Variants in COMMD6 observed in about 807,000 individuals in gnomAD.
The protein encoded by COMMD6 is COMM domain-containing protein 6.
A neutral mutation model predicts 13.4 loss-of-function variants in COMMD6; 11 were observed. That is an observed-to-expected ratio of 0.82 (90% CI 0.52 to 1.36). The LOEUF is 1.36. Ranked by LOEUF, COMMD6 falls within the 40% of genes most tolerant of loss-of-function variation. The probability of loss-of-function intolerance (pLI) is 0.00; values close to 1 mark genes in which losing one functional copy is unlikely to be tolerated. For missense variants in COMMD6, 124 were observed against 102.4 expected (o/e 1.21, Z -0.91); for synonymous variants, 43 against 36.5 (o/e 1.18, Z -0.64).
chr13:75,529,520 CAAAAAAAAAAAAA>C (rs58073558), intron 3 of COMMD6, among the ~76,000 whole-genome samples: 2 of 104,642 alleles, frequency 1.9e-5, no homozygotes, highest in African/African-American at 3.7e-5. Context: ...GACTCCGTCT[CAAAAAAAAAAAAA>C]AAAAAAAAAA....
chr13:75,538,995 C>G, upstream of COMMD6, among the ~76,000 whole-genome samples: 1 of 152,132 alleles, frequency 6.6e-6, no homozygotes, highest in Non-Finnish European at 1.5e-5. Flanking sequence ...TGGGGACTCC[C>G]AGCTCCTAGA....
chr13:75,532,989 G>A (rs1201166662), intron 2 of COMMD6, among the ~76,000 whole-genome samples: 3 of 148,470 alleles, frequency 2.0e-5, no homozygotes, highest in South Asian at 2.1e-4. Context: ...GGAGTGCAGT[G>A]GCACGATCTT....
chr13:75,534,775 C>T (rs2030604744), intron 2 of COMMD6, among the ~76,000 whole-genome samples: 1 of 152,078 alleles, frequency 6.6e-6, no homozygotes, highest in Non-Finnish European at 1.5e-5. Flanking sequence ...TGTAGTCACA[C>T]TAAAAATTGA....
intron 1 of COMMD6, among the ~76,000 whole-genome samples, chr13:75,544,717 C>T (rs1193114763): frequency 1.3e-5 from 2 of 151,810 alleles, no homozygotes; most frequent in Admixed American, 6.6e-5. Flanking sequence ...GAGCAGAGAT[C>T]GCGCTACTGC....
upstream of COMMD6, chr13:75,537,913 A>G: frequency 8.4e-7 from 1 of 1,185,192 alleles, no homozygotes. Context: ...CGGACGTAGC[A>G]GGGGAAGCTG....
intron 1 of COMMD6, among the ~76,000 whole-genome samples, chr13:75,548,891 C>G (rs554598982): frequency 1.3e-5 from 2 of 152,200 alleles, no homozygotes; most frequent in Non-Finnish European, 2.9e-5. Flanking sequence ...ACCGGGTTGC[C>G]TCTGTTTACC....
intron 1 of COMMD6, among the ~76,000 whole-genome samples, chr13:75,543,826 C>A (rs1014857099): frequency 3.9e-5 from 6 of 152,174 alleles, no homozygotes; most frequent in Non-Finnish European, 8.8e-5. Context: ...ATATTCAATA[C>A]TCCAAAGAAG....
rs1455269208 is a variant in COMMD6 at position 75,525,598 on chromosome 13, T to A, written c.*991A>T. On this transcript the variant is annotated 3_prime_UTR_variant, in exon 4 of 4. Coordinates refer to ENST00000682242, the MANE Select transcript of COMMD6 (RefSeq NM_203495.4). ...ATGCACAAATGGCCCATCAGCTAAC[T>A]CATCAAGCTGGTAGGAATCTGAGCG... 6.6e-6 allele frequency: 1 copy of A among 152,260 alleles called. No individual in the cohort carries two copies. The highest frequency in any genetic ancestry group is 2.4e-5 in the African/African-American group (1 of 41,470). 9.4% of individuals were successfully genotyped at this position (152,260 alleles called of 1,614,324 possible). A position where few individuals can be genotyped will look rare whatever the true frequency, so the allele number is the denominator to read the frequency against.
upstream of COMMD6, among the ~76,000 whole-genome samples, chr13:75,540,525 C>T (rs1464619346): frequency 6.6e-6 from 1 of 152,132 alleles, no homozygotes; most frequent in Non-Finnish European, 1.5e-5. Flanking sequence ...ACTTCAAAAA[C>T]CTATCGATCT....
At chr13:75,537,440 A>G (rs1263627083) in intron 2 of COMMD6, 5 of 1,551,290 alleles carry the variant, frequency 3.2e-6, no homozygotes, top group Non-Finnish European at 4.4e-6. Context: ...CTTGATCTGC[A>G]TTCTTCGGGC....
At chr13:75,526,708 T>C (rs536445617) in intron 3 of COMMD6, 69 bp from the exon 4 acceptor site, 2 of 1,050,144 alleles carry the variant, frequency 1.9e-6, no homozygotes, top group East Asian at 2.4e-5. Flanking sequence ...ATTTTAATTA[T>C]ATCTGACTAC....
Position 75,537,807 on chromosome 13 carries a change from G to GCT in COMMD6, c.-3_-2insAG. ...CGGCGGCTCGCTGGACGCCTCCATG[G>GCT]GCAGCGTCTGGGACTTGCGGCCCGG... is the stretch of plus-strand genomic sequence containing the variant. On this transcript the variant is annotated 5_prime_UTR_variant, in exon 1 of 4. Transcript: ENST00000682242. 6.2e-7 allele frequency: 1 copy of GCT among 1,603,050 alleles called. No homozygotes were observed. The highest frequency in any genetic ancestry group is 8.5e-7 in the Non-Finnish European group (1 of 1,172,832).
chr13:75,530,368 C>T lies in COMMD6; in HGVS notation c.55-102G>A, dbSNP rs115193066. Reference sequence around the variant, plus strand: ...AGTTACACTCAACTTTTAGTTTCAACGCTGGTCATATTTACATAAAGTATC... The same window carrying T: ...AGTTACACTCAACTTTTAGTTTCAATGCTGGTCATATTTACATAAAGTATC... On this transcript the variant is annotated intron_variant, in intron 2 of 3. Coordinates refer to ENST00000682242, the MANE Select transcript of COMMD6 (RefSeq NM_203495.4). 1.7e-3 allele frequency: 1,373 copies of T among 813,564 alleles called. 11 individuals carry two copies. The African/African-American group carries it at 0.021, about 12-fold the overall frequency. 50.4% of individuals were successfully genotyped at this position (813,564 alleles called of 1,614,324 possible). A position where few individuals can be genotyped will look rare whatever the true frequency, so the allele number is the denominator to read the frequency against.
At chr13:75,527,736 G>C (rs2030311440) in intron 3 of COMMD6, 3 of 1,282,314 alleles carry the variant, frequency 2.3e-6, no homozygotes, top group Middle Eastern at 2.3e-4. Context: ...ATTGTGCAAA[G>C]TGAAATAAGC....
At chr13:75,535,172 C>T (rs2030620071) in intron 2 of COMMD6, among the ~76,000 whole-genome samples, 1 of 152,090 alleles carries the variant, frequency 6.6e-6, no homozygotes, top group African/African-American at 2.4e-5. Context: ...GCATTCTGGA[C>T]TGAGGGAGAA....
Position 75,530,263 on chromosome 13 carries a change from C to T in COMMD6, c.58G>A (p.Val20Ile), listed in dbSNP as rs754365881. 5 of 1,608,832 alleles carry T rather than the reference C, an allele frequency of 3.1e-6. No homozygotes were observed. In the South Asian group the frequency reaches 4.5e-5, roughly 14 times the overall value. The stretch of plus-strand genomic sequence containing the variant: ...ATACCCAGTTTCCACTGAAAATCTA[C>T]AAGCTTTAATAAGACAGGACAAAAT... ...DAKSDVTNQLVDFQWKLGMAV... is the reference protein window; with the variant it reads ...DAKSDVTNQLIDFQWKLGMAV... Residue 20 changes from valine to isoleucine, a missense_variant, in exon 3 of 4, where the codon GTA becomes ATA. Val to Ile is a conservative substitution (Grantham distance 29, BLOSUM62 3). Coordinates refer to ENST00000682242, the MANE Select transcript of COMMD6 (RefSeq NM_203495.4).
upstream of COMMD6, among the ~76,000 whole-genome samples, chr13:75,540,613 G>C (rs1030141848): frequency 2.0e-5 from 3 of 152,158 alleles, no homozygotes; most frequent in Non-Finnish European, 4.4e-5. Context: ...GTGATAAACT[G>C]TTTATGTTTC....
chr13:75,538,727 C>T (rs1338944790), upstream of COMMD6: 1 of 152,146 alleles, frequency 6.6e-6, no homozygotes, highest in African/African-American at 2.4e-5. Flanking sequence ...CTTGTTTAAA[C>T]AATATTCTTT....
upstream of COMMD6, among the ~76,000 whole-genome samples, chr13:75,543,248 G>C (rs902266509): frequency 6.6e-6 from 1 of 152,178 alleles, no homozygotes; most frequent in African/African-American, 2.4e-5. Context: ...CCTGGGTGTT[G>C]AAATAATCTG....
Sources: gnomAD v4.1 joint callset for allele counts (sites outside exome capture counted in the v4.1 genomes callset) on GRCh38, gnomAD v4.1.1 for gene constraint, MANE v1.5 for transcripts, NCBI Gene and HGNC (gene_info 2026-07-23, HGNC 2026-07-21) for gene names.